Variants in WDR33 observed in about 807,000 individuals in gnomAD.
The protein encoded by WDR33 is WD repeat domain 33.
A neutral mutation model predicts 164.9 loss-of-function variants in WDR33; 47 were observed. That is an observed-to-expected ratio of 0.29 (90% CI 0.23 to 0.36). The LOEUF is 0.36. WDR33 is among the 10% of genes least tolerant of loss of function. WDR33 has a pLI of 1.00. For missense variants in WDR33, 1,137 were observed against 1,754.1 expected (o/e 0.65, Z 6.28); for synonymous variants, 505 against 589.0 (o/e 0.86, Z 2.06).
At chr2:127,778,512 T>C (rs1034170137) in intron 1 of WDR33, among the ~76,000 whole-genome samples, 1 of 149,268 alleles carries the variant, frequency 6.7e-6, no homozygotes. Flanking sequence ...TGCCAGACAA[T>C]GAACACACAC....
rs558361350 is a variant in WDR33, at chr2:127,707,824, G to A, written c.3781+853C>T. ...TCTAAAAACACAAAAGCATGGTGGCGCACACCTGTAGTTCCAGCTACTGGG... is the reference window on the plus strand; with the variant it reads ...TCTAAAAACACAAAAGCATGGTGGCACACACCTGTAGTTCCAGCTACTGGG... On this transcript the variant is annotated intron_variant, in intron 21 of 21. Transcript: ENST00000322313. Among the ~76,000 whole-genome samples, 10 of 152,276 alleles carry A rather than the reference G, an allele frequency of 6.6e-5. No homozygotes were observed. In the East Asian group the frequency reaches 1.7e-3, roughly 26 times the overall value.
At position 127,726,852 on chromosome 2, in the gene WDR33, C is replaced by T. The variant is rs1686583015; in HGVS notation, c.725-75G>A. 4 of 1,571,274 alleles carry T rather than the reference C, an allele frequency of 2.5e-6. No individual in the cohort carries two copies. The highest frequency in any genetic ancestry group is 3.5e-6 in the Non-Finnish European group (4 of 1,155,104). Reference sequence around the variant, plus strand: ...AGCAATTTAAACCAAAGTAGAGAAACCTAGTAAATGTTTTGCTCTCAGTGC... The same window carrying T: ...AGCAATTTAAACCAAAGTAGAGAAATCTAGTAAATGTTTTGCTCTCAGTGC... On this transcript the variant is annotated intron_variant, in intron 7 of 21. Coordinates refer to ENST00000322313, the MANE Select transcript of WDR33 (RefSeq NM_018383.5). This position sits in a 1 kb window ranked among gnomAD's most constrained non-coding sequence, Gnocchi z 4.8.
intron 7 of WDR33, among the ~76,000 whole-genome samples, chr2:127,761,020 C>CT (rs1425714863): frequency 1.1e-4 from 17 of 152,104 alleles, no homozygotes; most frequent in African/African-American, 3.9e-4. Context: ...CTCTAAATTT[C>CT]AAAGGAAAGT....
At position 127,721,970 on chromosome 2, in the gene WDR33, C is replaced by CT; in HGVS notation, c.1536dup (p.Val513SerfsTer8). 1 of 1,612,174 alleles carries CT rather than the reference C, an allele frequency of 6.2e-7. No homozygotes were observed. Among genetic ancestry groups the CT allele is most frequent in the Non-Finnish European group, 8.5e-7 (1 of 1,179,662 alleles). ...ACCTCATTTGGAGCAGGAATTGGAA[C>CT]TTTATTTTGCATCCAAGCCTTGGGA... On this transcript the variant is annotated frameshift_variant, in exon 15 of 22. Coordinates refer to ENST00000322313, the MANE Select transcript of WDR33 (RefSeq NM_018383.5). LOFTEE classifies it high-confidence loss of function. The surrounding 1 kb of genome is among the most constrained non-coding windows in gnomAD (Gnocchi z 4.9).
At position 127,701,606 on chromosome 2, in the gene WDR33, G is replaced by T; in HGVS notation, c.*4717C>A. ...GCGGCCCGGCGGCCGCGGAGCCGCT[G>T]CTCGCCGCGGAGAAGGCGGAGGAGC... On this transcript the variant is annotated 3_prime_UTR_variant, in exon 22 of 22. Coordinates refer to ENST00000322313, the MANE Select transcript of WDR33 (RefSeq NM_018383.5). The T allele has an allele frequency of 7.4e-7, 1 of 1,347,352 alleles. No individual in the cohort carries two copies. The highest frequency in any genetic ancestry group is 1.9e-5 in the South Asian group (1 of 52,958). The allele number at this position is 1,347,352 out of a possible 1,614,324, so 83.5% of individuals were successfully genotyped here.
In WDR33 at chr2:127,794,337, T is replaced by TA. The variant is rs1292616406; in HGVS notation, c.-24+16674dup. Among the ~76,000 whole-genome samples the TA allele has an allele frequency of 3.4e-4, 50 of 148,306 alleles. 2 individuals carry two copies. The highest frequency in any genetic ancestry group is 1.1e-3 in the African/African-American group (45 of 39,874). ...CAACATGGTAAAACCCCATCTCTAC[T>TA]AAAAATACAAAAATTAGCTGGGTGT... On this transcript the variant is annotated intron_variant, in intron 1 of 21. Transcript: ENST00000322313.
intron 1 of WDR33, among the ~76,000 whole-genome samples, chr2:127,792,040 G>A (rs1033855934): frequency 2.6e-5 from 4 of 151,704 alleles, no homozygotes; most frequent in Non-Finnish European, 4.4e-5. Flanking sequence ...CCAAGTTCAA[G>A]CGATTCTCCT....
rs1314115898 is a variant in WDR33, at chr2:127,716,536, G to T, written c.2869+619C>A. On this transcript the variant is annotated intron_variant, in intron 17 of 21. Coordinates refer to ENST00000322313, the MANE Select transcript of WDR33 (RefSeq NM_018383.5). The surrounding 1 kb of genome is among the most constrained non-coding windows in gnomAD (Gnocchi z 4.5). ...GCTCCTGCTCCAACTCTGCAAGACAGGGGGGTCCCACCCATCTCAGGGGCC... is the reference window on the plus strand; with the variant it reads ...GCTCCTGCTCCAACTCTGCAAGACATGGGGGTCCCACCCATCTCAGGGGCC... Among the ~76,000 whole-genome samples, 1 of 152,190 alleles carries T rather than the reference G, an allele frequency of 6.6e-6. No individual in the cohort carries two copies. The highest frequency in any genetic ancestry group is 6.5e-5 in the Admixed American group (1 of 15,278).
At position 127,723,278 on chromosome 2, in the gene WDR33, T is replaced by A. The variant is rs1192554088; in HGVS notation, c.1266A>T (p.Gly422=). 6.2e-7 allele frequency: 1 copy of A among 1,613,952 alleles called. No homozygotes were observed. Residue 422 remains glycine, a synonymous_variant, in exon 12 of 22, where the codon GGA becomes GGT. Coordinates refer to ENST00000322313, the MANE Select transcript of WDR33 (RefSeq NM_018383.5). This position sits in a 1 kb window ranked among gnomAD's most constrained non-coding sequence, Gnocchi z 5.9. ...CATATTCTACTCCATCTTCAGACAT[T>A]CCAGGTAAAAGGTTTAGATTATATC... ...RDRYNLNLLP[G]MSEDGVEYDD...
Position 127,724,822 on chromosome 2 carries a change from T to A in WDR33, c.1085+65A>T. On this transcript the variant is annotated intron_variant, in intron 10 of 21. Coordinates refer to ENST00000322313, the MANE Select transcript of WDR33 (RefSeq NM_018383.5). The surrounding 1 kb of genome is among the most constrained non-coding windows in gnomAD (Gnocchi z 4.8). ...ACTTAGAAAAGCTACAAAACTATCA[T>A]GTCTGCACACATTCACGTGCTCTCT... is the stretch of plus-strand genomic sequence containing the variant. 1.3e-6 allele frequency: 2 copies of A among 1,538,788 alleles called. No individual in the cohort carries two copies. The highest frequency in any genetic ancestry group is 2.7e-5 in the African/African-American group (2 of 73,472).
At position 127,704,568 on chromosome 2, in the gene WDR33, T is replaced by C. The variant is rs1396285631; in HGVS notation, c.*1755A>G. 6.0e-6 allele frequency: 1 copy of C among 166,960 alleles called. No homozygotes were observed. The highest frequency in any genetic ancestry group is 1.5e-5 in the Non-Finnish European group (1 of 68,082). The allele number at this position is 166,960 out of a possible 1,614,324, so 10.3% of individuals were successfully genotyped here. A position where few individuals can be genotyped will look rare whatever the true frequency, so the allele number is the denominator to read the frequency against. On this transcript the variant is annotated 3_prime_UTR_variant, in exon 22 of 22. Transcript: ENST00000322313. ...CCTAAAGCAATCTTGAGCCTCCTAA[T>C]AGCATGTTTATGGTGGAGCGCTGAT... is the stretch of plus-strand genomic sequence containing the variant.
intron 7 of WDR33, among the ~76,000 whole-genome samples, chr2:127,740,849 G>A (rs564234723): frequency 1.8e-4 from 28 of 152,332 alleles, no homozygotes; most frequent in African/African-American, 6.5e-4. Flanking sequence ...AAGGTTTGCA[G>A]AGGATGAACT....
chr2:127,735,391 C>G lies in WDR33; in HGVS notation c.725-8614G>C. On this transcript the variant is annotated intron_variant, in intron 7 of 21. Coordinates refer to ENST00000322313, the MANE Select transcript of WDR33 (RefSeq NM_018383.5). This position sits in a 1 kb window ranked among gnomAD's most constrained non-coding sequence, Gnocchi z 4.3. ...TCGGTGAACAGTCTGAAAACCAATACATAATAAGTTTTATTTGAAGGTCAG... is the reference window on the plus strand; with the variant it reads ...TCGGTGAACAGTCTGAAAACCAATAGATAATAAGTTTTATTTGAAGGTCAG... 3.0e-6 allele frequency: 3 copies of G among 985,790 alleles called. No homozygotes were observed. Among genetic ancestry groups the G allele is most frequent in the Non-Finnish European group, 3.6e-6 (3 of 829,910 alleles). 61.1% of individuals were successfully genotyped at this position (985,790 alleles called of 1,614,324 possible).
At position 127,768,176 on chromosome 2, in the gene WDR33, AC is replaced by A. The variant is rs1316308045; in HGVS notation, c.378+12del. 2 of 1,485,396 alleles carry A rather than the reference AC, an allele frequency of 1.3e-6. No individual in the cohort carries two copies. The highest frequency in any genetic ancestry group is 1.8e-6 in the Non-Finnish European group (2 of 1,102,426). The allele number at this position is 1,485,396 out of a possible 1,614,324, so 92.0% of individuals were successfully genotyped here. On this transcript the variant is annotated intron_variant, in intron 4 of 21. Transcript: ENST00000322313. Reference sequence around the variant, plus strand: ...GATTAATTTTCCCCCAAAATATCCAACAGATTACTTACCCTAACAACAAATA... The same window carrying A: ...GATTAATTTTCCCCCAAAATATCCAAAGATTACTTACCCTAACAACAAATA...
chr2:127,734,282 G>C (rs1686784132), intron 7 of WDR33, among the ~76,000 whole-genome samples: 1 of 152,168 alleles, frequency 6.6e-6, no homozygotes, highest in East Asian at 1.9e-4. Flanking sequence ...GTTATTTTTA[G>C]ATATTAAGCA....
At chr2:127,809,540 A>T (rs112037437) in intron 1 of WDR33, among the ~76,000 whole-genome samples, 4,088 of 142,400 alleles carry the variant, frequency 0.029, 200 homozygotes, top group African/African-American at 0.1. Flanking sequence ...GGTTCAAGTG[A>T]TTCTCTTGCC....
chr2:127,750,813 A>G (rs1338356991), intron 7 of WDR33, among the ~76,000 whole-genome samples: 3 of 141,868 alleles, frequency 2.1e-5, no homozygotes, highest in Non-Finnish European at 4.6e-5. Context: ...TATCTTTAAA[A>G]CAGCTAATTT....
rs750286235 is a variant in WDR33 at position 127,708,839 on chromosome 2, C to T, written c.3619G>A (p.Asp1207Asn). 5.0e-6 allele frequency: 8 copies of T among 1,610,878 alleles called. No homozygotes were observed. The highest frequency in any genetic ancestry group is 3.4e-5 in the Admixed American group (2 of 59,666). ...DTPRPDHPPH[D>N]GHSPASRERS... ...TCTCTGCTGGCTGGGGAATGACCGT[C>T]GTGAGGGGGATGATCAGGGCGGGGA... Residue 1207 changes from aspartate (D) to asparagine (N), a missense_variant, in exon 21 of 22, where the codon GAC becomes AAC. Physicochemically the swap from Asp to Asn is conservative, Grantham distance 23 (BLOSUM62 1). Transcript: ENST00000322313. This position sits in a 1 kb window ranked among gnomAD's most constrained non-coding sequence, Gnocchi z 6.7.
At chr2:127,711,780 A>ATATATATATTTTTTTTTTTTTTT in intron 18 of WDR33, among the ~76,000 whole-genome samples, 2 of 88,318 alleles carry the variant, frequency 2.3e-5, no homozygotes, top group African/African-American at 1.3e-4. Flanking sequence ...ATATATATAT[A>ATATATATATTTTTTTTTTTTTTT]TTTTTTTTTT....
Sources: allele counts gnomAD v4.1 joint callset (sites outside exome capture counted in the v4.1 genomes callset), GRCh38; gene constraint gnomAD v4.1.1; non-coding constraint Gnocchi (gnomAD v3.1); transcripts MANE v1.5; gene names NCBI Gene and HGNC (gene_info 2026-07-23, HGNC 2026-07-21).